RBM26: variants seen among roughly 807,000 people sequenced by gnomAD.
RBM26 encodes RNA-binding protein 26.
A neutral mutation model predicts 123.6 loss-of-function variants in RBM26; 30 were observed. The ratio of observed to expected loss-of-function variants is 0.24; its 90% CI spans 0.18 to 0.33. The LOEUF is 0.33. RBM26 is among the 10% of genes least tolerant of loss of function. The probability of loss-of-function intolerance (pLI) is 1.00; values close to 1 mark genes in which losing one functional copy is unlikely to be tolerated. For synonymous variants in RBM26, 400 were observed against 404.4 expected (o/e 0.99, Z 0.13); for missense variants, 947 against 1,203.6 (o/e 0.79, Z 3.15).
chr13:79,399,936 T>C (rs2078922257), intron 1 of RBM26, among the ~76,000 whole-genome samples: 1 of 152,074 alleles, frequency 6.6e-6, no homozygotes, highest in East Asian at 1.9e-4. Context: ...CAAGCAGATA[T>C]ACAGCCAGCA....
At chr13:79,374,280 C>T (rs948490304) in intron 3 of RBM26, among the ~76,000 whole-genome samples, 23 of 152,004 alleles carry the variant, frequency 1.5e-4, no homozygotes, top group Non-Finnish European at 3.1e-4. Context: ...ACCAGCCTGG[C>T]CAACACGCTG....
intron 3 of RBM26, among the ~76,000 whole-genome samples, chr13:79,373,462 T>TA (rs1170012546): frequency 1.4e-5 from 1 of 71,756 alleles, no homozygotes; most frequent in East Asian, 3.9e-4. Context: ...TAAATATATA[T>TA]AATATGTATA....
chr13:79,367,227 T>C (rs1175536856), intron 6 of RBM26, among the ~76,000 whole-genome samples: 3 of 150,208 alleles, frequency 2.0e-5, no homozygotes, highest in Non-Finnish European at 3.0e-5. Flanking sequence ...ACGAACATGG[T>C]GAAACCCCAT....
At position 79,319,968 on chromosome 13, in the gene RBM26, T is replaced by TTTTCA; in HGVS notation, c.*652_*653insTGAAA. ...TCTTGGCTTTTTTTTTTTTTTTTTTTTTGTCATTGCTTTTCTCTTTTCTTT... is the reference window on the plus strand; with the variant it reads ...TCTTGGCTTTTTTTTTTTTTTTTTTTTTTCATTGTCATTGCTTTTCTCTTTTCTTT... On this transcript the variant is annotated 3_prime_UTR_variant, in exon 22 of 22. Coordinates refer to ENST00000438737, the MANE Select transcript of RBM26 (RefSeq NM_001366735.2). 3 of 587,858 alleles carry TTTTCA rather than the reference T, an allele frequency of 5.1e-6. No individual in the cohort carries two copies. The highest frequency in any genetic ancestry group is 6.4e-6 in the Non-Finnish European group (3 of 471,786). 36.4% of individuals were successfully genotyped at this position (587,858 alleles called of 1,614,324 possible).
chr13:79,395,459 A>G, intron 1 of RBM26, among the ~76,000 whole-genome samples: 1 of 152,158 alleles, frequency 6.6e-6, no homozygotes, highest in Non-Finnish European at 1.5e-5. Flanking sequence ...AGTGAACTTG[A>G]AAACAGGAAG....
At chr13:79,316,751 A>C, downstream of RBM26, among the ~76,000 whole-genome samples, 2 of 151,902 alleles carry the variant, frequency 1.3e-5, no homozygotes, top group South Asian at 4.1e-4. Context: ...AAATAAGTAA[A>C]ACGACAACTC....
In RBM26 at chr13:79,319,701, A is replaced by C; in HGVS notation, c.*920T>G. On this transcript the variant is annotated 3_prime_UTR_variant, in exon 22 of 22. Transcript: ENST00000438737. Reference sequence around the variant, plus strand: ...TTCCAAACTAATCAGCCTGCTTTTAAATTTTAAGACATTTGTTGAAAATTT... The same window carrying C: ...TTCCAAACTAATCAGCCTGCTTTTACATTTTAAGACATTTGTTGAAAATTT... 2.0e-6 allele frequency: 2 copies of C among 983,762 alleles called. No individual in the cohort carries two copies. Among genetic ancestry groups the C allele is most frequent in the East Asian group, 1.1e-4 (1 of 8,788 alleles). The allele number at this position is 983,762 out of a possible 1,614,324, so 60.9% of individuals were successfully genotyped here. A position where few individuals can be genotyped will look rare whatever the true frequency, so the allele number is the denominator to read the frequency against.
intron 11 of RBM26, among the ~76,000 whole-genome samples, chr13:79,356,330 C>T (rs779741600): frequency 1.4e-4 from 21 of 149,504 alleles, no homozygotes; most frequent in Non-Finnish European, 2.5e-4. Flanking sequence ...AATCATGCCA[C>T]CTCACTCTGG....
intron 11 of RBM26, among the ~76,000 whole-genome samples, chr13:79,355,917 G>C (rs568960471): frequency 2.0e-4 from 31 of 152,260 alleles, no homozygotes; most frequent in African/African-American, 7.5e-4. Flanking sequence ...AGAAAACCGA[G>C]ATTTCAAGGA....
downstream of RBM26, among the ~76,000 whole-genome samples, chr13:79,317,235 G>A (rs925007822): frequency 6.6e-5 from 10 of 151,708 alleles, no homozygotes; most frequent in Non-Finnish European, 1.2e-4. Flanking sequence ...ACTGTACCAA[G>A]AGGCATCATA....
intron 14 of RBM26, among the ~76,000 whole-genome samples, chr13:79,352,466 C>CA (rs61295621): frequency 2.4e-3 from 329 of 136,044 alleles, no homozygotes; most frequent in African/African-American, 4.9e-3. Flanking sequence ...CATACCTAAA[C>CA]AAAAAAAAAA....
intron 16 of RBM26, among the ~76,000 whole-genome samples, chr13:79,343,986 A>C (rs1210337358): frequency 6.6e-6 from 1 of 151,976 alleles, no homozygotes; most frequent in African/African-American, 2.4e-5. Flanking sequence ...GGTTCCATTT[A>C]ATTATCTGTT....
At position 79,342,808 on chromosome 13, in the gene RBM26, T is replaced by A. The variant is rs952591221; in HGVS notation, c.2283A>T (p.Lys761Asn). Reference protein sequence around the residue: ...TQKMLISKLEKNKTMKSEDKA... With the variant: ...TQKMLISKLENNKTMKSEDKA... Reference sequence around the variant, plus strand: ...TATCTTCAGACTTCATTGTTTTGTTTTTCTCCAGTTTTGAAATTAACATCT... The same window carrying A: ...TATCTTCAGACTTCATTGTTTTGTTATTCTCCAGTTTTGAAATTAACATCT... Residue 761 changes from lysine to asparagine, a missense_variant, in exon 17 of 22, where the codon AAA becomes AAT. Coordinates refer to ENST00000438737, the MANE Select transcript of RBM26 (RefSeq NM_001366735.2). 6.3e-7 allele frequency: 1 copy of A among 1,595,606 alleles called. No homozygotes were observed. Among genetic ancestry groups the A allele is most frequent in the Admixed American group, 1.8e-5 (1 of 55,992 alleles).
At chr13:79,337,723 AG>A (rs1430501187) in intron 18 of RBM26, among the ~76,000 whole-genome samples, 1 of 152,240 alleles carries the variant, frequency 6.6e-6, no homozygotes, top group African/African-American at 2.4e-5. Context: ...TGACTTCAAT[AG>A]GTACAGTTAT....
At chr13:79,352,551 TAA>T (rs200976919) in intron 14 of RBM26, among the ~76,000 whole-genome samples, 27 of 151,194 alleles carry the variant, frequency 1.8e-4, no homozygotes, top group Non-Finnish European at 1.8e-4. Flanking sequence ...CCCCTTCATT[TAA>T]AAAAAAAGAA....
intron 1 of RBM26, among the ~76,000 whole-genome samples, chr13:79,386,192 G>A (rs1321028213): frequency 6.6e-6 from 1 of 151,674 alleles, no homozygotes; most frequent in Non-Finnish European, 1.5e-5. Context: ...ACCTTTGTTT[G>A]GCTTAATAGA....
chr13:79,371,726 G>A (rs2075900281), intron 4 of RBM26, 116 bp downstream of exon 4: 1 of 694,750 alleles, frequency 1.4e-6, no homozygotes, highest in African/African-American at 1.8e-5. Context: ...TATTTTCCTA[G>A]ACCAATAAAA....
chr13:79,319,849 T>TG lies in RBM26; in HGVS notation c.*771dup, dbSNP rs1439163774. On this transcript the variant is annotated 3_prime_UTR_variant, in exon 22 of 22. Coordinates refer to ENST00000438737, the MANE Select transcript of RBM26 (RefSeq NM_001366735.2). ...TGATTATAGCTCCTTTTGTGATAAT[T>TG]GGGGGGAAGGGTAGATCACCATCTG... The TG allele has an allele frequency of 1.0e-6, 1 of 980,728 alleles. No homozygotes were observed. The highest frequency in any genetic ancestry group is 1.8e-5 in the African/African-American group (1 of 56,958). The allele number at this position is 980,728 out of a possible 1,614,324, so 60.8% of individuals were successfully genotyped here.
At chr13:79,361,110 T>A (rs138911538) in intron 9 of RBM26, among the ~76,000 whole-genome samples, 89 of 152,284 alleles carry the variant, frequency 5.8e-4, no homozygotes, top group African/African-American at 2.1e-3. Flanking sequence ...CAAAACTCAC[T>A]ATGCAGAACG....
Sources: allele counts gnomAD v4.1 joint callset (sites outside exome capture counted in the v4.1 genomes callset), GRCh38; gene constraint gnomAD v4.1.1; transcripts MANE v1.5; gene names NCBI Gene and HGNC (gene_info 2026-07-23, HGNC 2026-07-21).